The following ARHGEF1 variants were observed in gnomAD, a reference collection of about 807,000 sequenced individuals.
ARHGEF1 encodes Rho guanine nucleotide exchange factor 1, also known as 115 kDa guanine nucleotide exchange factor.
A neutral mutation model predicts 119.7 loss-of-function variants in ARHGEF1; 40 were observed. The ratio of observed to expected loss-of-function variants is 0.33; its 90% CI spans 0.26 to 0.44. The LOEUF (loss-of-function observed/expected upper bound fraction) is 0.44. Among genes scored for constraint, ARHGEF1 ranks in the 20% least tolerant of loss-of-function variants. The probability of loss-of-function intolerance (pLI) is 1.00; values close to 1 mark genes in which losing one functional copy is unlikely to be tolerated. For missense variants in ARHGEF1, 976 were observed against 1,268.3 expected, an observed-to-expected ratio of 0.77 and a Z score of 3.50; for synonymous variants, 494 against 521.0, an observed-to-expected ratio of 0.95 and a Z score of 0.71.
rs142018887 is a variant in ARHGEF1, at chr19:41,905,313, C to T, written c.2336+52C>T. On this transcript the variant is annotated intron_variant, in intron 24 of 28. Coordinates refer to ENST00000354532, the MANE Select transcript of ARHGEF1 (RefSeq NM_004706.4). This position sits in a 1 kb window ranked among gnomAD's most constrained non-coding sequence, Gnocchi z 6.4. Reference sequence around the variant, plus strand: ...AGGTTCAGGGAGTGGGGCCGGAAGGCGGGGCAGGCTTCCCTCCACAACTCC... The same window carrying T: ...AGGTTCAGGGAGTGGGGCCGGAAGGTGGGGCAGGCTTCCCTCCACAACTCC... 7,240 of 1,520,640 alleles carry T rather than the reference C, an allele frequency of 4.8e-3. 24 individuals carry two copies. Among genetic ancestry groups the T allele is most frequent in the South Asian group, 0.012 (981 of 82,238 alleles). The allele number at this position is 1,520,640 out of a possible 1,614,324, so 94.2% of individuals were successfully genotyped here. A position where few individuals can be genotyped will look rare whatever the true frequency, so the allele number is the denominator to read the frequency against.
Position 41,892,320 on chromosome 19 carries a change from C to G in ARHGEF1, c.325-11C>G. On this transcript the variant is annotated splice_polypyrimidine_tract_variant and intron_variant, in intron 5 of 28. Coordinates refer to ENST00000354532, the MANE Select transcript of ARHGEF1 (RefSeq NM_004706.4). The surrounding 1 kb of genome is among the most constrained non-coding windows in gnomAD (Gnocchi z 6.3). ...AGTCCTCCTCTTCACCCCATTCTCT[C>G]TCTTGAGCAGGTTCTCCGGGTGCCG... 6.2e-7 allele frequency: 1 copy of G among 1,613,866 alleles called. No individual in the cohort carries two copies. Among genetic ancestry groups the G allele is most frequent in the African/African-American group, 1.3e-5 (1 of 75,056 alleles).
rs374333943 is a variant in ARHGEF1, at chr19:41,929,494, G to A, written c.297-161G>A. On this transcript the variant is annotated intron_variant, in intron 2 of 2. Transcript: ENST00000594417. Reference sequence around the variant, plus strand: ...GGGTCAGACCCACAGTTCAGCTCCCGGCCGGCCGGACCTCCTGGCCCAACC... The same window carrying A: ...GGGTCAGACCCACAGTTCAGCTCCCAGCCGGCCGGACCTCCTGGCCCAACC... Among the ~76,000 whole-genome samples the A allele has an allele frequency of 5.3e-5, 8 of 152,224 alleles. 1 individual carries two copies. The highest frequency in any genetic ancestry group is 1.9e-4 in the African/African-American group (8 of 41,516).
chr19:41,904,521 G>T lies in ARHGEF1; in HGVS notation c.2161+138G>T. On this transcript the variant is annotated intron_variant, in intron 22 of 28. Transcript: ENST00000354532. This position sits in a 1 kb window ranked among gnomAD's most constrained non-coding sequence, Gnocchi z 8.4. ...AGAGGTTGAGAAGTAGGTGGAGGTG[G>T]GCAGGGCGGGGCCAGGCCTAGAGGG... 9.5e-7 allele frequency: 1 copy of T among 1,057,514 alleles called. No homozygotes were observed. Among genetic ancestry groups the T allele is most frequent in the Non-Finnish European group, 1.3e-6 (1 of 752,870 alleles). The allele number at this position is 1,057,514 out of a possible 1,614,324, so 65.5% of individuals were successfully genotyped here.
chr19:41,922,101 G>C (rs2074845754), upstream of ARHGEF1, among the ~76,000 whole-genome samples: 1 of 152,144 alleles, frequency 6.6e-6, no homozygotes, highest in Non-Finnish European at 1.5e-5. Flanking sequence ...GGCGGGGGCA[G>C]AGAGCTGAAG....
chr19:41,892,565 A>G lies in ARHGEF1; in HGVS notation c.368-38A>G, dbSNP rs201239583. 38 of 1,565,886 alleles carry G rather than the reference A, an allele frequency of 2.4e-5. No homozygotes were observed. The highest frequency in any genetic ancestry group is 3.2e-5 in the Non-Finnish European group (37 of 1,151,330). ...GGTGGGGACCGTGGTCCAAGCCACC[A>G]GGGAGCTGGACCCTAGCCCCCATGT... On this transcript the variant is annotated intron_variant, in intron 6 of 28. Transcript: ENST00000354532. The surrounding 1 kb of genome is among the most constrained non-coding windows in gnomAD (Gnocchi z 6.3).
intron 1 of ARHGEF1, among the ~76,000 whole-genome samples, chr19:41,885,703 G>A (rs782482011): frequency 1.3e-5 from 2 of 151,914 alleles, no homozygotes; most frequent in Non-Finnish European, 2.9e-5. Context: ...TTCGTGATCC[G>A]CCCGCCTTGG....
chr19:41,897,380 C>G (rs2074523847), intron 13 of ARHGEF1: 8 of 1,180,474 alleles, frequency 6.8e-6, no homozygotes, highest in Non-Finnish European at 8.7e-6. Context: ...CCATTTCTCC[C>G]AGCCCCTCCC....
At chr19:41,921,763 G>A (rs1463457686), upstream of ARHGEF1, among the ~76,000 whole-genome samples, 9 of 151,780 alleles carry the variant, frequency 5.9e-5, no homozygotes, top group African/African-American at 1.7e-4. The surrounding 1 kb of genome is among the most constrained non-coding windows in gnomAD (Gnocchi z 4.4). Flanking sequence ...GCCGGGTGGC[G>A]GGCAGACCTA....
At position 41,903,937 on chromosome 19, in the gene ARHGEF1, C is replaced by A; in HGVS notation, c.1918-98C>A. 3.6e-6 allele frequency: 5 copies of A among 1,395,190 alleles called. No individual in the cohort carries two copies. The highest frequency in any genetic ancestry group is 5.0e-6 in the Non-Finnish European group (5 of 994,612). The allele number at this position is 1,395,190 out of a possible 1,614,324, so 86.4% of individuals were successfully genotyped here. A position where few individuals can be genotyped will look rare whatever the true frequency, so the allele number is the denominator to read the frequency against. On this transcript the variant is annotated intron_variant, in intron 20 of 28. Transcript: ENST00000354532. The surrounding 1 kb of genome is among the most constrained non-coding windows in gnomAD (Gnocchi z 4.2). ...TCATGCCAATCCCATGATCCCCAGCCTGTGGTCATCCCCGGCCACTGCCCT... is the reference window on the plus strand; with the variant it reads ...TCATGCCAATCCCATGATCCCCAGCATGTGGTCATCCCCGGCCACTGCCCT...
Position 41,888,855 on chromosome 19 carries a change from C to A in ARHGEF1, c.215C>A (p.Pro72Gln). Reference sequence around the variant, plus strand: ...CAGCACGTGGCCCTGCAGTTTGAGCCAGGACCCCTGGTGAGGGCAGGGCTG... The same window carrying A: ...CAGCACGTGGCCCTGCAGTTTGAGCAAGGACCCCTGGTGAGGGCAGGGCTG... ...LLQHVALQFE[P>Q]GPLLCCLHAD... Residue 72 changes from proline to glutamine, a missense_variant, in exon 4 of 29, where the codon CCA becomes CAA. This residue lies in a region of ARHGEF1 where 519 missense variants were observed against 580.9 expected (regional missense o/e 0.89). Transcript: ENST00000354532. This position sits in a 1 kb window ranked among gnomAD's most constrained non-coding sequence, Gnocchi z 5.1. The A allele has an allele frequency of 6.2e-7, 1 of 1,613,726 alleles. No homozygotes were observed. The highest frequency in any genetic ancestry group is 8.5e-7 in the Non-Finnish European group (1 of 1,179,718).
At chr19:41,925,391 G>A (rs1445232459) in intron 1 of ARHGEF1, among the ~76,000 whole-genome samples, 2 of 152,040 alleles carry the variant, frequency 1.3e-5, no homozygotes, top group Non-Finnish European at 1.5e-5. Flanking sequence ...TACAGGTGAC[G>A]CAGATACCTG....
At chr19:41,922,838 G>A (rs1375669213), upstream of ARHGEF1, among the ~76,000 whole-genome samples, 2 of 152,212 alleles carry the variant, frequency 1.3e-5, no homozygotes, top group Non-Finnish European at 2.9e-5. Context: ...TGCAATCCTG[G>A]CCCGCGCACT....
downstream of ARHGEF1, chr19:41,908,818 A>G (rs1198106646): frequency 2.4e-5 from 11 of 463,740 alleles, no homozygotes; most frequent in Non-Finnish European, 3.7e-5. This position sits in a 1 kb window ranked among gnomAD's most constrained non-coding sequence, Gnocchi z 6.7. Flanking sequence ...GCTTCCCCCA[A>G]CTCCATCTCC....
rs2074256010 is a variant in ARHGEF1, at chr19:41,883,981, C to T, written c.-20+692C>T. On this transcript the variant is annotated intron_variant, in intron 1 of 28. Coordinates refer to ENST00000354532, the MANE Select transcript of ARHGEF1 (RefSeq NM_004706.4). The surrounding 1 kb of genome is among the most constrained non-coding windows in gnomAD (Gnocchi z 7.6). The stretch of plus-strand genomic sequence containing the variant: ...CTGGAACTCAAGACTATTGCTTTTC[C>T]GGTTCCAAAGGAAGGGGCTGGGGGT... Among the ~76,000 whole-genome samples the T allele has an allele frequency of 6.6e-6, 1 of 152,030 alleles. No individual in the cohort carries two copies. Among genetic ancestry groups the T allele is most frequent in the African/African-American group, 2.4e-5 (1 of 41,368 alleles).
chr19:41,888,202 G>A lies in ARHGEF1; in HGVS notation c.35G>A (p.Gly12Asp), dbSNP rs1456253266. The A allele has an allele frequency of 6.2e-6, 10 of 1,613,966 alleles. No individual in the cohort carries two copies. Among genetic ancestry groups the A allele is most frequent in the Non-Finnish European group, 8.5e-6 (10 of 1,180,000 alleles). Residue 12 changes from glycine to aspartate, a missense_variant, in exon 3 of 29, where the codon GGC (glycine) becomes GAC (aspartate). Transcript: ENST00000354532. This position sits in a 1 kb window ranked among gnomAD's most constrained non-coding sequence, Gnocchi z 5.1. ...CCTCCCTTTCCACAGGCCTCCCCAG[G>A]CCCCTCCCGGCCTGGCCTGGTTCCC... ...EDFARGAASP[G>D]PSRPGLVPVS...
downstream of ARHGEF1, chr19:41,910,054 A>G (rs2074743618): frequency 6.2e-7 from 1 of 1,613,390 alleles, no homozygotes; most frequent in Admixed American, 1.7e-5. The surrounding 1 kb of genome is among the most constrained non-coding windows in gnomAD (Gnocchi z 4.4). Context: ...GCCTCGAGCC[A>G]GGGGATGACT....
Position 41,917,650 on chromosome 19 carries a change from A to G in ARHGEF1, c.1866-5442A>G, listed in dbSNP as rs1208749878. ...ACACACCATGCCCCAAAGCACACGCACGCACGCACACACACACCCTGACTG... is the reference window on the plus strand; with the variant it reads ...ACACACCATGCCCCAAAGCACACGCGCGCACGCACACACACACCCTGACTG... On this transcript the variant is annotated intron_variant, in intron 18 of 20. Transcript: ENST00000599589. The surrounding 1 kb of genome is among the most constrained non-coding windows in gnomAD (Gnocchi z 4.8). 6.6e-6 allele frequency among the ~76,000 whole-genome samples: 1 copy of G among 151,756 alleles called. No homozygotes were observed. Among genetic ancestry groups the G allele is most frequent in the Non-Finnish European group, 1.5e-5 (1 of 67,906 alleles).
downstream of ARHGEF1, among the ~76,000 whole-genome samples, chr19:41,912,412 C>G (rs373922262): frequency 6.6e-6 from 1 of 152,234 alleles, no homozygotes; most frequent in African/African-American, 2.4e-5. Flanking sequence ...TCCTGGGTCT[C>G]GGTCTGGCCG....
chr19:41,915,490 C>T (rs2074795418), intron 18 of ARHGEF1, among the ~76,000 whole-genome samples: 1 of 152,002 alleles, frequency 6.6e-6, no homozygotes, highest in African/African-American at 2.4e-5. Flanking sequence ...CCCCACGTCT[C>T]TGTGTCCCCA....
Sources: gnomAD v4.1 joint callset for allele counts (sites outside exome capture counted in the v4.1 genomes callset) on GRCh38, gnomAD v4.1.1 for gene constraint, gnomAD v4.1.1 regional missense constraint, Gnocchi (gnomAD v3.1) non-coding constraint, MANE v1.5 for transcripts, NCBI Gene and HGNC (gene_info 2026-07-23, HGNC 2026-07-21) for gene names.